Variants in BTNL2 observed in about 807,000 individuals in gnomAD.
BTNL2 encodes butyrophilin like 2, also known as butyrophilin-like protein 2.
In BTNL2, 46 loss-of-function variants were observed where a neutral mutation model predicts 46.8. That is an observed-to-expected ratio of 0.98 (90% confidence interval 0.78 to 1.26). The LOEUF is 1.26. Among genes scored for constraint, BTNL2 ranks in the 50% most tolerant of loss-of-function variants. The probability of loss-of-function intolerance (pLI) is 0.00; values close to 1 mark genes in which losing one functional copy is unlikely to be tolerated. For synonymous variants in BTNL2, 226 were observed against 229.1 expected (o/e 0.99, Z 0.12); for missense variants, 461 against 592.6 (o/e 0.78, Z 2.31).
At chr6:32,395,416 C>T (rs1163759378) in intron 5 of BTNL2, among the ~76,000 whole-genome samples, 3 of 152,172 alleles carry the variant, frequency 2.0e-5, no homozygotes, top group Non-Finnish European at 4.4e-5. Context: ...ATACGAGGCT[C>T]ATGAAACTTC....
In BTNL2 at chr6:32,407,091, A is replaced by G. The variant is rs146975552; in HGVS notation, c.33T>C (p.Gly11=). MVDFPGYNLS[G]AVASFLFILL... ...GGATGAATAGGAAGGAGGCGACTGC[A>G]CCAGACAGATTGTAGCCTGGAAAAT... Residue 11 remains glycine (G), a synonymous_variant, in exon 1 of 8, where the codon GGT becomes GGC. Coordinates refer to ENST00000454136, the MANE Select transcript of BTNL2 (RefSeq NM_001304561.2). 4 of 1,612,900 alleles carry G rather than the reference A, an allele frequency of 2.5e-6. No individual in the cohort carries two copies. Among genetic ancestry groups the G allele is most frequent in the Non-Finnish European group, 3.4e-6 (4 of 1,180,012 alleles).
In BTNL2 at chr6:32,399,795, A is replaced by C. The variant is rs148835240; in HGVS notation, c.730+1990T>G. Among the ~76,000 whole-genome samples, 2,666 of 152,342 alleles carry C rather than the reference A, an allele frequency of 0.018. 75 individuals carry two copies. Among genetic ancestry groups the C allele is most frequent in the East Asian group, 0.11 (564 of 5,184 alleles). ...TTTTTAAAAACTATTATTTTTATAA[A>C]TGAAAAACATTATTTGTAAGACTAC... On this transcript the variant is annotated intron_variant, in intron 4 of 7. Coordinates refer to ENST00000454136, the MANE Select transcript of BTNL2 (RefSeq NM_001304561.2). The surrounding 1 kb of genome is among the most constrained non-coding windows in gnomAD (Gnocchi z 5.2).
chr6:32,393,901 G>A lies in BTNL2; in HGVS notation c.*6+62C>T, dbSNP rs1776272735. 2 of 1,520,274 alleles carry A rather than the reference G, an allele frequency of 1.3e-6. No homozygotes were observed. The highest frequency in any genetic ancestry group is 8.8e-7 in the Non-Finnish European group (1 of 1,133,044). The allele number at this position is 1,520,274 out of a possible 1,614,324, so 94.2% of individuals were successfully genotyped here. ...GGTGACTTGTGAAAAGGGAGGCTCGGGGAAGTACGCAGTACGGTTCCCACT... is the reference window on the plus strand; with the variant it reads ...GGTGACTTGTGAAAAGGGAGGCTCGAGGAAGTACGCAGTACGGTTCCCACT... On this transcript the variant is annotated intron_variant, in intron 7 of 7. Coordinates refer to ENST00000454136, the MANE Select transcript of BTNL2 (RefSeq NM_001304561.2). This position sits in a 1 kb window ranked among gnomAD's most constrained non-coding sequence, Gnocchi z 4.8.
At chr6:32,405,997 G>A (rs118010815) in intron 1 of BTNL2, 1,877 of 153,066 alleles carry the variant, frequency 0.012, 69 homozygotes, top group East Asian at 0.11. Flanking sequence ...CTTGTTATCT[G>A]CAAATTGAAG....
chr6:32,404,908 T>G, intron 2 of BTNL2, 31 bp downstream of exon 2: 29 of 1,585,854 alleles, frequency 1.8e-5, no homozygotes, highest in Non-Finnish European at 2.4e-5. Context: ...CTCTGCCTCT[T>G]GAGACCCTGT....
chr6:32,393,378 A>C lies in BTNL2; in HGVS notation c.*18T>G, dbSNP rs1479997551. Reference sequence around the variant, plus strand: ...CTCAGGTGAGCTGTGTTTGAAGCCAATGTCACATTCACTGTAAAGAAAGAG... The same window carrying C: ...CTCAGGTGAGCTGTGTTTGAAGCCACTGTCACATTCACTGTAAAGAAAGAG... On this transcript the variant is annotated 3_prime_UTR_variant, in exon 8 of 8. Coordinates refer to ENST00000454136, the MANE Select transcript of BTNL2 (RefSeq NM_001304561.2). This position sits in a 1 kb window ranked among gnomAD's most constrained non-coding sequence, Gnocchi z 4.8. The C allele has an allele frequency of 6.5e-6, 1 of 152,724 alleles. No individual in the cohort carries two copies. The highest frequency in any genetic ancestry group is 1.5e-5 in the Non-Finnish European group (1 of 68,102). 9.5% of individuals were successfully genotyped at this position (152,724 alleles called of 1,614,324 possible). A position where few individuals can be genotyped will look rare whatever the true frequency, so the allele number is the denominator to read the frequency against.
Position 32,393,765 on chromosome 6 carries a change from G to C in BTNL2, c.*6+198C>G. 1.7e-6 allele frequency: 1 copy of C among 586,450 alleles called. No individual in the cohort carries two copies. 36.3% of individuals were successfully genotyped at this position (586,450 alleles called of 1,614,324 possible). ...TTTAATCATTTTGCTTCTATTACAA[G>C]TGGAAACACTGACCTCATGCATCAC... On this transcript the variant is annotated intron_variant, in intron 7 of 7. Transcript: ENST00000454136. This position sits in a 1 kb window ranked among gnomAD's most constrained non-coding sequence, Gnocchi z 4.8.
At chr6:32,395,951 T>C in intron 5 of BTNL2, 88 bp downstream of exon 5, 2 of 1,113,516 alleles carry the variant, frequency 1.8e-6, no homozygotes, top group Admixed American at 2.4e-5. Flanking sequence ...TAAGAAAATT[T>C]CAAATGTCAG....
chr6:32,403,397 G>A (rs1373764642), intron 2 of BTNL2, among the ~76,000 whole-genome samples, 181 bp from the exon 3 acceptor site: 1 of 152,206 alleles, frequency 6.6e-6, no homozygotes, highest in African/African-American at 2.4e-5. Flanking sequence ...TTGTTCCCCA[G>A]TCTGGGTCTT....
intron 5 of BTNL2, among the ~76,000 whole-genome samples, chr6:32,395,792 G>T (rs1430501557): frequency 2.0e-5 from 3 of 152,172 alleles, no homozygotes; most frequent in Non-Finnish European, 4.4e-5. Flanking sequence ...TTTCCTTAAA[G>T]ATATGGTCAA....
At position 32,393,903 on chromosome 6, in the gene BTNL2, G is replaced by A. The variant is rs545980646; in HGVS notation, c.*6+60C>T. On this transcript the variant is annotated intron_variant, in intron 7 of 7. Transcript: ENST00000454136. The surrounding 1 kb of genome is among the most constrained non-coding windows in gnomAD (Gnocchi z 4.8). ...TGACTTGTGAAAAGGGAGGCTCGGGGAAGTACGCAGTACGGTTCCCACTGC... is the reference window on the plus strand; with the variant it reads ...TGACTTGTGAAAAGGGAGGCTCGGGAAAGTACGCAGTACGGTTCCCACTGC... The A allele has an allele frequency of 1.8e-4, 279 of 1,524,852 alleles. No homozygotes were observed. Among genetic ancestry groups the A allele is most frequent in the Middle Eastern group, 1.0e-3 (6 of 5,872 alleles). The allele number at this position is 1,524,852 out of a possible 1,614,324, so 94.5% of individuals were successfully genotyped here. A position where few individuals can be genotyped will look rare whatever the true frequency, so the allele number is the denominator to read the frequency against.
chr6:32,401,210 A>G (rs1175795416), intron 4 of BTNL2, among the ~76,000 whole-genome samples: 1 of 35,206 alleles, frequency 2.8e-5, no homozygotes, highest in East Asian at 9.7e-4. Flanking sequence ...TCCGTCTCAA[A>G]AAAAAAAAAA....
chr6:32,395,768 G>A lies in BTNL2; in HGVS notation c.1078+271C>T, dbSNP rs117444452. Among the ~76,000 whole-genome samples the A allele has an allele frequency of 1.1e-4, 16 of 152,294 alleles. No individual in the cohort carries two copies. The East Asian group carries it at 2.9e-3, about 28-fold the overall frequency. ...CAATGAGCCTTTTGTAAAATATGTA[G>A]TAAGATACTCAGATTTCCTTAAAGA... On this transcript the variant is annotated intron_variant, in intron 5 of 7. Transcript: ENST00000454136.
chr6:32,405,034 A>G lies in BTNL2; in HGVS notation c.332T>C (p.Ile111Thr). ...ATTGTCGGAGGGCTGGATGTTGTGT[A>G]TCTTCAGTGCCACATTTCCCTTTGC... ...GIAKGNVALKIHNIQPSDNGQ... is the reference protein window; with the variant it reads ...GIAKGNVALKTHNIQPSDNGQ... Residue 111 changes from isoleucine (I) to threonine (T), a missense_variant, in exon 2 of 8, where the codon ATA (isoleucine) becomes ACA (threonine). Transcript: ENST00000454136. 6.2e-7 allele frequency: 1 copy of G among 1,613,028 alleles called. No individual in the cohort carries two copies. Among genetic ancestry groups the G allele is most frequent in the Non-Finnish European group, 8.5e-7 (1 of 1,180,024 alleles).
At chr6:32,398,360 C>G (rs1212657725) in intron 4 of BTNL2, among the ~76,000 whole-genome samples, 1 of 152,200 alleles carries the variant, frequency 6.6e-6, no homozygotes, top group Non-Finnish European at 1.5e-5. Context: ...AAGTCCCTGT[C>G]AACACAATTT....
Position 32,400,745 on chromosome 6 carries a change from T to TAAAAATACA in BTNL2, c.730+1039_730+1040insTGTATTTTT, listed in dbSNP as rs9281774. Among the ~76,000 whole-genome samples, 31 of 82,138 alleles carry TAAAAATACA rather than the reference T, an allele frequency of 3.8e-4. 1 individual carries two copies. Among genetic ancestry groups the TAAAAATACA allele is most frequent in the Admixed American group, 7.9e-4 (6 of 7,584 alleles). The allele number at this position is 82,138 out of a possible 152,430, so 53.9% of individuals were successfully genotyped here. On this transcript the variant is annotated intron_variant, in intron 4 of 7. Transcript: ENST00000454136. ...CAACATGGTGAAACCCCGTCTCTAC[T>TAAAAATACA]AAAAAAAAAAAAAAAAAATTAGCTG...
rs879608262 is a variant in BTNL2 at position 32,393,834 on chromosome 6, ATG to A, written c.*6+127_*6+128del. On this transcript the variant is annotated intron_variant, in intron 7 of 7. Coordinates refer to ENST00000454136, the MANE Select transcript of BTNL2 (RefSeq NM_001304561.2). The surrounding 1 kb of genome is among the most constrained non-coding windows in gnomAD (Gnocchi z 4.8). ...TAAGCCCTGGGCTTTCCTGTTTCTC[ATG>A]TTTCCTTAGTTACTGGATATTCACT... 149,584 of 1,311,486 alleles carry A rather than the reference ATG, an allele frequency of 0.11. 9,251 individuals carry two copies. Among genetic ancestry groups the A allele is most frequent in the African/African-American group, 0.12 (8,140 of 66,860 alleles). 81.2% of individuals were successfully genotyped at this position (1,311,486 alleles called of 1,614,324 possible).
At chr6:32,398,644 T>C (rs4248166) in intron 4 of BTNL2, among the ~76,000 whole-genome samples, 27,590 of 151,882 alleles carry the variant, frequency 0.18, 2,768 homozygotes, top group East Asian at 0.22. Context: ...CCTGTCCGTG[T>C]GTGACCTGTG....
rs116885919 is a variant in BTNL2 at position 32,399,798 on chromosome 6, A to G, written c.730+1987T>C. Among the ~76,000 whole-genome samples the G allele has an allele frequency of 0.018, 2,669 of 152,326 alleles. 76 individuals carry two copies. The highest frequency in any genetic ancestry group is 0.11 in the East Asian group (566 of 5,184). ...TTAAAAACTATTATTTTTATAAATG[A>G]AAAACATTATTTGTAAGACTACAAG... is the stretch of plus-strand genomic sequence containing the variant. On this transcript the variant is annotated intron_variant, in intron 4 of 7. Transcript: ENST00000454136. This position sits in a 1 kb window ranked among gnomAD's most constrained non-coding sequence, Gnocchi z 5.2.
Sources: gnomAD v4.1 joint callset for allele counts (sites outside exome capture counted in the v4.1 genomes callset) on GRCh38, gnomAD v4.1.1 for gene constraint, Gnocchi (gnomAD v3.1) non-coding constraint, MANE v1.5 for transcripts, NCBI Gene and HGNC (gene_info 2026-07-23, HGNC 2026-07-21) for gene names.